Variants in VPS25 observed in about 807,000 individuals in gnomAD.
VPS25 encodes the protein vacuolar protein-sorting-associated protein 25.
Under a neutral mutation model 30.3 loss-of-function variants are expected in VPS25, and 21 were observed. That is an observed-to-expected ratio of 0.69 (90% CI 0.49 to 1.00). VPS25 has a LOEUF of 1.00. Ranked by LOEUF, VPS25 falls within the 50% of genes least tolerant of loss-of-function variation. The pLI is 0.00. For missense variants in VPS25, 156 were observed against 217.2 expected, an observed-to-expected ratio of 0.72 and a Z score of 1.77; for synonymous variants, 101 against 88.1, an observed-to-expected ratio of 1.15 and a Z score of -0.82.
chr17:42,774,579 G>C (rs1477608952), intron 2 of VPS25, 67 bp from the exon 3 acceptor site: 1 of 1,396,968 alleles, frequency 7.2e-7, no homozygotes, highest in Admixed American at 1.7e-5. Flanking sequence ...TCTCAACATG[G>C]GACTGGCTCT....
chr17:42,775,581 G>C, intron 4 of VPS25, 112 bp downstream of exon 4: 3 of 820,682 alleles, frequency 3.7e-6, no homozygotes, highest in East Asian at 2.9e-5. Context: ...AAAATGGGGA[G>C]GGGGCAGAAA....
chr17:42,776,663 G>GTTTT (rs1205721262), intron 5 of VPS25, among the ~76,000 whole-genome samples: 4 of 120,936 alleles, frequency 3.3e-5, no homozygotes, highest in African/African-American at 6.3e-5. Flanking sequence ...TGCCCCGCCT[G>GTTTT]TTTTTTTTTT....
intron 5 of VPS25, 109 bp from the exon 6 acceptor site, chr17:42,778,848 G>A: frequency 1.1e-6 from 1 of 877,282 alleles, no homozygotes; most frequent in South Asian, 1.5e-5. Flanking sequence ...AGTATAGATG[G>A]CTTATGCATA....
At chr17:42,773,575 C>G (rs767876504) in intron 1 of VPS25, 47 bp downstream of exon 1, 1 of 1,613,954 alleles carries the variant, frequency 6.2e-7, no homozygotes, top group South Asian at 1.1e-5. Flanking sequence ...CCTCCCCTCC[C>G]CCGGACCCTG....
chr17:42,779,175 CA>C lies in VPS25; in HGVS notation c.*110del. 9.7e-7 allele frequency: 1 copy of C among 1,028,542 alleles called. No homozygotes were observed. The highest frequency in any genetic ancestry group is 1.5e-6 in the Non-Finnish European group (1 of 686,120). 63.7% of individuals were successfully genotyped at this position (1,028,542 alleles called of 1,614,324 possible). A position where few individuals can be genotyped will look rare whatever the true frequency, so the allele number is the denominator to read the frequency against. Reference sequence around the variant, plus strand: ...ACTGGATCTGTGACTCCACCAGACTCAAAAGGACTCCAGTCCTGAAGGCTGG... The same window carrying C: ...ACTGGATCTGTGACTCCACCAGACTCAAAGGACTCCAGTCCTGAAGGCTGG... On this transcript the variant is annotated 3_prime_UTR_variant, in exon 6 of 6. Transcript: ENST00000253794.
chr17:42,777,935 C>G (rs981768665), intron 5 of VPS25, among the ~76,000 whole-genome samples: 1 of 152,158 alleles, frequency 6.6e-6, no homozygotes, highest in Admixed American at 6.5e-5. Flanking sequence ...GCTGTTCCCC[C>G]TGCTGCCCTG....
intron 3 of VPS25, 79 bp downstream of exon 3, chr17:42,774,778 C>T: frequency 7.5e-7 from 1 of 1,335,554 alleles, no homozygotes; most frequent in African/African-American, 1.5e-5. Context: ...AGTCTTTTTC[C>T]CTTTAATAAC....
Position 42,773,464 on chromosome 17 carries a change from T to G in VPS25, c.-12T>G, listed in dbSNP as rs1183818421. 6.2e-7 allele frequency: 1 copy of G among 1,614,206 alleles called. No individual in the cohort carries two copies. Among genetic ancestry groups the G allele is most frequent in the Admixed American group, 1.7e-5 (1 of 60,028 alleles). Reference sequence around the variant, plus strand: ...CTTAGCCGGTAGCTTCCGGGTTTCCTGGGCTACTACGATGGCGATGAGTTT... The same window carrying G: ...CTTAGCCGGTAGCTTCCGGGTTTCCGGGGCTACTACGATGGCGATGAGTTT... On this transcript the variant is annotated 5_prime_UTR_variant, in exon 1 of 6. Transcript: ENST00000253794.
chr17:42,774,408 C>A, intron 2 of VPS25: 4 of 331,040 alleles, frequency 1.2e-5, no homozygotes, highest in Admixed American at 5.0e-5. Flanking sequence ...GGGTCTTCCT[C>A]TCTTGCTCAG....
At position 42,773,767 on chromosome 17, in the gene VPS25, C is replaced by T; in HGVS notation, c.88C>T (p.Leu30=). Residue 30 remains leucine, a synonymous_variant, in exon 2 of 6, where the codon CTG becomes TTG. Coordinates refer to ENST00000253794, the MANE Select transcript of VPS25 (RefSeq NM_032353.4). ...QPNVDTRQKQ[L]AAWCSLVLSF... ...GAATGTGGACACTCGGCAGAAGCAG[C>T]TGGCCGCCTGGTGCTCGCTGGTCCT... The T allele has an allele frequency of 6.2e-7, 1 of 1,614,142 alleles. No homozygotes were observed.
At chr17:42,774,601 T>C in intron 2 of VPS25, 45 bp from the exon 3 acceptor site, 1 of 1,582,442 alleles carries the variant, frequency 6.3e-7, no homozygotes, top group African/African-American at 1.3e-5. Context: ...AAAATTTTTA[T>C]CCTACCCAAC....
chr17:42,773,805 C>T lies in VPS25; in HGVS notation c.126C>T (p.Arg42=), dbSNP rs752301786. 3.1e-6 allele frequency: 5 copies of T among 1,614,162 alleles called. No individual in the cohort carries two copies. The highest frequency in any genetic ancestry group is 1.1e-5 in the South Asian group (1 of 91,082). ...AWCSLVLSFC[R]LHKQSSMTVM... is the part of the protein sequence containing the mutation. ...GCTCGCTGGTCCTGTCCTTCTGCCG[C>T]CTGCACAAACAGTCCAGCATGACGG... Residue 42 remains arginine, a synonymous_variant, in exon 2 of 6, where the codon CGC becomes CGT. Coordinates refer to ENST00000253794, the MANE Select transcript of VPS25 (RefSeq NM_032353.4).
intron 5 of VPS25, 108 bp from the exon 6 acceptor site, chr17:42,778,849 C>CTT: frequency 1.1e-6 from 1 of 907,704 alleles, no homozygotes; most frequent in Non-Finnish European, 1.7e-6. Flanking sequence ...GTATAGATGG[C>CTT]TTATGCATAC....
In VPS25 at chr17:42,773,778, G is replaced by A; in HGVS notation, c.99G>A (p.Trp33Ter). Residue 33 changes from tryptophan to a stop codon, truncating the protein, a stop_gained, in exon 2 of 6, where the codon TGG (tryptophan) becomes TGA (stop). Transcript: ENST00000253794. LOFTEE classifies it high-confidence loss of function. ...VDTRQKQLAA[W>*]CSLVLSFCRL... ...CTCGGCAGAAGCAGCTGGCCGCCTGGTGCTCGCTGGTCCTGTCCTTCTGCC... is the reference window on the plus strand; with the variant it reads ...CTCGGCAGAAGCAGCTGGCCGCCTGATGCTCGCTGGTCCTGTCCTTCTGCC... 6.2e-7 allele frequency: 1 copy of A among 1,614,142 alleles called. No homozygotes were observed. The highest frequency in any genetic ancestry group is 8.5e-7 in the Non-Finnish European group (1 of 1,180,040).
At position 42,779,057 on chromosome 17, in the gene VPS25, C is replaced by G. The variant is rs2054453241; in HGVS notation, c.519C>G (p.Val173=). The part of the protein sequence containing the change: ...EIITVSDGRG[V]KFF ...TCACTGTCAGCGATGGCCGAGGCGT[C>G]AAGTTCTTCTAGCAGGGACCTGTCT... Residue 173 remains valine (V), a synonymous_variant, in exon 6 of 6, where the codon GTC becomes GTG. Coordinates refer to ENST00000253794, the MANE Select transcript of VPS25 (RefSeq NM_032353.4). 3.7e-6 allele frequency: 6 copies of G among 1,613,894 alleles called. No homozygotes were observed. Among genetic ancestry groups the G allele is most frequent in the Non-Finnish European group, 4.2e-6 (5 of 1,179,860 alleles).
At chr17:42,775,266 C>A in intron 3 of VPS25, 115 bp from the exon 4 acceptor site, 1 of 710,960 alleles carries the variant, frequency 1.4e-6, no homozygotes, top group Non-Finnish European at 2.4e-6. Flanking sequence ...AGGGTCTCAT[C>A]ATGTTGCCCA....
At position 42,779,364 on chromosome 17, in the gene VPS25, CACATGTAAGT is replaced by C; in HGVS notation, c.*300_*309del. On this transcript the variant is annotated 3_prime_UTR_variant, in exon 6 of 6. Coordinates refer to ENST00000253794, the MANE Select transcript of VPS25 (RefSeq NM_032353.4). ...AAACCTGACACTTTATATGTGTTCACACATGTAAGTACATACACACATGCGCCTGCAGCAC... is the reference window on the plus strand; with the variant it reads ...AAACCTGACACTTTATATGTGTTCACACATACACACATGCGCCTGCAGCAC... The C allele has an allele frequency of 2.8e-6, 1 of 354,970 alleles. No homozygotes were observed. The highest frequency in any genetic ancestry group is 5.5e-6 in the Non-Finnish European group (1 of 181,730). The allele number at this position is 354,970 out of a possible 1,614,324, so 22.0% of individuals were successfully genotyped here.
rs766312236 is a variant in VPS25 at position 42,775,385 on chromosome 17, C to A, written c.258C>A (p.Asn86Lys). ...TCATAAGTATCTGTTTTACAGGGAA[C>A]CTCGAGTGGTTGGATAAGAGCAAGT... is the stretch of plus-strand genomic sequence containing the variant. ...IVLEELRKKG[N>K]LEWLDKSKSS... Residue 86 changes from asparagine to lysine, a missense_variant, in exon 4 of 6, where the codon AAC (asparagine) becomes AAA (lysine). By Grantham distance (94) the Asn-to-Lys change is moderately conservative. Transcript: ENST00000253794. 3 of 1,613,610 alleles carry A rather than the reference C, an allele frequency of 1.9e-6. No individual in the cohort carries two copies. The African/African-American group carries it at 4.0e-5, about 22-fold the overall frequency.
chr17:42,776,416 G>A (rs886952918), intron 5 of VPS25, 96 bp downstream of exon 5: 20 of 1,160,882 alleles, frequency 1.7e-5, no homozygotes, highest in Non-Finnish European at 2.5e-5. Flanking sequence ...AGGCTGGAGT[G>A]CAATGTTGCA....
Sources: allele counts gnomAD v4.1 joint callset (sites outside exome capture counted in the v4.1 genomes callset), GRCh38; gene constraint gnomAD v4.1.1; transcripts MANE v1.5; gene names NCBI Gene and HGNC (gene_info 2026-07-23, HGNC 2026-07-21).